The following SYNE3 variants were observed in gnomAD, a reference collection of about 807,000 sequenced individuals.
The protein encoded by SYNE3 is nesprin-3.
A neutral mutation model predicts 111.2 loss-of-function variants in SYNE3; 100 were observed. The ratio of observed to expected loss-of-function variants is 0.90; its 90% CI spans 0.77 to 1.06. The LOEUF is 1.06. SYNE3 is among the 50% of genes least tolerant of loss of function. The pLI is 0.00. For synonymous variants in SYNE3, 547 were observed against 533.9 expected (o/e 1.02, Z -0.34); for missense variants, 1,160 against 1,240.3 (o/e 0.94, Z 0.97).
At chr14:95,507,407 G>T (rs1351423382) in intron 1 of SYNE3, among the ~76,000 whole-genome samples, 5 of 152,212 alleles carry the variant, frequency 3.3e-5, no homozygotes, top group Admixed American at 2.0e-4. Flanking sequence ...CCAAACCAAA[G>T]TTGGCTCCAG....
At chr14:95,466,832 C>T (rs1244362576) in intron 3 of SYNE3, among the ~76,000 whole-genome samples, 4 of 152,212 alleles carry the variant, frequency 2.6e-5, no homozygotes, top group African/African-American at 9.6e-5. Flanking sequence ...AGACTGGCTT[C>T]CCAGCAGCCT....
rs75259886 is a variant in SYNE3 at position 95,509,028 on chromosome 14, T to C, written c.-15+7568A>G. ...ATAGTAGTAATAATAGCGTGCTCTC[T>C]CTGGGCTGGGAGCAGGGATGTGAGG... On this transcript the variant is annotated intron_variant, in intron 1 of 17. Coordinates refer to ENST00000682763, the MANE Select transcript of SYNE3 (RefSeq NM_152592.6). Among the ~76,000 whole-genome samples, 570 of 152,378 alleles carry C rather than the reference T, an allele frequency of 3.7e-3. 3 individuals carry two copies. Among genetic ancestry groups the C allele is most frequent in the African/African-American group, 0.013 (554 of 41,590 alleles).
intron 1 of SYNE3, among the ~76,000 whole-genome samples, chr14:95,491,991 G>A (rs1299243293): frequency 2.6e-5 from 4 of 152,162 alleles, no homozygotes; most frequent in Non-Finnish European, 4.4e-5. Context: ...GATGGCCAAT[G>A]AGCACACTGA....
intron 4 of SYNE3, 119 bp from the exon 5 acceptor site, chr14:95,457,457 GC>G: frequency 8.6e-7 from 1 of 1,157,144 alleles, no homozygotes; most frequent in Non-Finnish European, 1.2e-6. Context: ...AGCAGGGGGT[GC>G]AACCAACCTC....
intron 6 of SYNE3, among the ~76,000 whole-genome samples, chr14:95,453,353 G>C (rs1242955270): frequency 6.6e-6 from 1 of 152,110 alleles, no homozygotes; most frequent in Non-Finnish European, 1.5e-5. Flanking sequence ...AGGGAACCAG[G>C]GGCAGCTCCA....
chr14:95,435,198 G>GA (rs1225124872), intron 15 of SYNE3, among the ~76,000 whole-genome samples: 1 of 151,496 alleles, frequency 6.6e-6, no homozygotes, highest in Non-Finnish European at 1.5e-5. Flanking sequence ...TGGAAGGTAT[G>GA]AAAAATGATA....
At chr14:95,489,230 T>C (rs898235051) in intron 1 of SYNE3, among the ~76,000 whole-genome samples, 5 of 152,186 alleles carry the variant, frequency 3.3e-5, no homozygotes, top group Non-Finnish European at 5.9e-5. Context: ...CACAGGTGCA[T>C]GGGGCTTTCT....
Position 95,466,238 on chromosome 14 carries a change from C to A in SYNE3, c.320G>T (p.Arg107Leu), listed in dbSNP as rs749830184. The A allele has an allele frequency of 1.9e-6, 3 of 1,561,108 alleles. No homozygotes were observed. The highest frequency in any genetic ancestry group is 2.6e-6 in the Non-Finnish European group (3 of 1,145,976). The change falls in exon 4 of 18, where the codon CGC (arginine) becomes CTC (leucine). Residue 107 changes from arginine (R) to leucine (L), a missense_variant and splice_region_variant. Transcript: ENST00000682763. ...TVTYMTHCHS[R>L]IEWVWLHWSE... ...CCAGTGCAGCCACACCCACTCGATG[C>A]GGCTGTGGGCACAGAGACCTCAAGG...
At chr14:95,441,269 C>T (rs1394543555) in intron 11 of SYNE3, among the ~76,000 whole-genome samples, 2 of 152,184 alleles carry the variant, frequency 1.3e-5, no homozygotes, top group African/African-American at 2.4e-5. Context: ...CTCAGTGAGC[C>T]ATCAATGAGG....
chr14:95,455,534 A>G lies in SYNE3; in HGVS notation c.980T>C (p.Leu327Pro). The G allele has an allele frequency of 6.2e-7, 1 of 1,613,952 alleles. No homozygotes were observed. The highest frequency in any genetic ancestry group is 8.5e-7 in the Non-Finnish European group (1 of 1,179,988). ...EEEEERLRGLLRSRGAWEQQI... is the reference protein window; with the variant it reads ...EEEEERLRGLPRSRGAWEQQI... ...CTGCTCCCAGGCTCCCCTGGACCGGAGCAGGCCCCGCAGCCGCTCCTCCTC... is the reference window on the plus strand; with the variant it reads ...CTGCTCCCAGGCTCCCCTGGACCGGGGCAGGCCCCGCAGCCGCTCCTCCTC... The change falls in exon 6 of 18, where the codon CTC (leucine) becomes CCC (proline). Residue 327 changes from leucine to proline, a missense_variant. By Grantham distance (98) the Leu-to-Pro change is moderately conservative. Transcript: ENST00000682763.
chr14:95,478,106 G>A (rs1218280442), intron 1 of SYNE3, among the ~76,000 whole-genome samples: 1 of 152,162 alleles, frequency 6.6e-6, no homozygotes, highest in African/African-American at 2.4e-5. Context: ...CAGGGACCCG[G>A]TGGGGTTGAG....
intron 1 of SYNE3, among the ~76,000 whole-genome samples, chr14:95,508,812 C>T (rs1023858155): frequency 1.3e-5 from 2 of 152,210 alleles, no homozygotes; most frequent in African/African-American, 4.8e-5. Flanking sequence ...GAGGACAGTC[C>T]CCTGAAGGGG....
At chr14:95,424,071 G>A (rs980252105) in intron 17 of SYNE3, among the ~76,000 whole-genome samples, 1 of 152,094 alleles carries the variant, frequency 6.6e-6, no homozygotes, top group Non-Finnish European at 1.5e-5. Context: ...GGGCAGTTGA[G>A]GTTTTAGGAC....
In SYNE3 at chr14:95,414,720, CACACA is replaced by C. The variant is rs1300245590; in HGVS notation, c.*3101_*3105del. The stretch of plus-strand genomic sequence containing the variant: ...ACACACACACACACACACACACACA[CACACA>C]CACACACGCCACAGCGCCACCTTTC... On this transcript the variant is annotated 3_prime_UTR_variant, in exon 18 of 18. Coordinates refer to ENST00000682763, the MANE Select transcript of SYNE3 (RefSeq NM_152592.6). 1.3e-5 allele frequency: 2 copies of C among 151,804 alleles called. No individual in the cohort carries two copies. 9.4% of individuals were successfully genotyped at this position (151,804 alleles called of 1,614,324 possible).
chr14:95,484,234 T>C (rs1272252001), intron 1 of SYNE3, among the ~76,000 whole-genome samples: 1 of 151,918 alleles, frequency 6.6e-6, no homozygotes, highest in Non-Finnish European at 1.5e-5. Context: ...GCAGAGTGTA[T>C]GCAAGGTAAA....
At chr14:95,482,041 T>C (rs893564647) in intron 1 of SYNE3, among the ~76,000 whole-genome samples, 17 of 152,222 alleles carry the variant, frequency 1.1e-4, no homozygotes, top group Non-Finnish European at 1.9e-4. Flanking sequence ...GTGGGGCCCC[T>C]ACTTGGCTTT....
intron 1 of SYNE3, among the ~76,000 whole-genome samples, chr14:95,515,103 C>T (rs1180971312): frequency 6.6e-6 from 1 of 152,250 alleles, no homozygotes; most frequent in Non-Finnish European, 1.5e-5. Context: ...GCCACCAACA[C>T]ATCCTCAGGC....
chr14:95,515,028 A>G (rs1185917997), intron 1 of SYNE3, among the ~76,000 whole-genome samples: 1 of 152,196 alleles, frequency 6.6e-6, no homozygotes, highest in Admixed American at 6.5e-5. Context: ...ACCTGCAGGG[A>G]GCCAGGTGCC....
chr14:95,446,009 C>A lies in SYNE3; in HGVS notation c.1532G>T (p.Gly511Val). The change falls in exon 9 of 18, where the codon GGC becomes GTC. Residue 511 changes from glycine (G) to valine (V), a missense_variant. By Grantham distance (109) the Gly-to-Val change is moderately radical (BLOSUM62 -3). Transcript: ENST00000682763. ...CAGGAGTGCCGTGGCTCTCTCCTGG[C>A]CAAAGATGCCAATCAGGAGGTCTTT... ...LKKDLLIGIF[G>V]QERATALLEQ... 6.2e-7 allele frequency: 1 copy of A among 1,614,132 alleles called. No homozygotes were observed. Among genetic ancestry groups the A allele is most frequent in the Non-Finnish European group, 8.5e-7 (1 of 1,180,026 alleles).
Sources: allele counts gnomAD v4.1 joint callset (sites outside exome capture counted in the v4.1 genomes callset), GRCh38; gene constraint gnomAD v4.1.1; transcripts MANE v1.5; gene names NCBI Gene and HGNC (gene_info 2026-07-23, HGNC 2026-07-21).